Variants in FAM13C observed in about 807,000 individuals in gnomAD.
FAM13C encodes family with sequence similarity 13 member C, also known as protein FAM13C.
FAM13C carries 37 observed loss-of-function variants against 73.2 expected under a neutral mutation model. The observed-to-expected ratio is 0.51, with a 90% CI of 0.39 to 0.67. The LOEUF is 0.67. Among genes scored for constraint, FAM13C ranks in the 30% least tolerant of loss-of-function variants. The pLI is 0.00. For synonymous variants in FAM13C, 246 were observed against 260.9 expected (o/e 0.94, Z 0.55); for missense variants, 589 against 715.6 (o/e 0.82, Z 2.02).
At chr10:59,283,691 G>T (rs284618) in intron 5 of FAM13C, 1 of 595,636 alleles carries the variant, frequency 1.7e-6, no homozygotes, top group African/African-American at 1.8e-5. Flanking sequence ...CATGCAGGCT[G>T]AGTTTCTGCC....
At position 59,329,662 on chromosome 10, in the gene FAM13C, T is replaced by A. The variant is rs548358003; in HGVS notation, c.325-5556A>T. Among the ~76,000 whole-genome samples the A allele has an allele frequency of 2.0e-5, 3 of 152,212 alleles. No individual in the cohort carries two copies. The South Asian group carries it at 6.2e-4, about 32-fold the overall frequency. ...CGTAAGCAACTGCGCCTGGACTGAT[T>A]CTATTTTTTTAAGCTGTAATATGTA... On this transcript the variant is annotated intron_variant, in intron 3 of 13. Coordinates refer to ENST00000618804, the MANE Select transcript of FAM13C (RefSeq NM_198215.4).
At chr10:59,321,162 T>C (rs898178975) in intron 4 of FAM13C, among the ~76,000 whole-genome samples, 1 of 152,080 alleles carries the variant, frequency 6.6e-6, no homozygotes, top group Non-Finnish European at 1.5e-5. Context: ...ACTGTGAAAA[T>C]GTAATTAAGG....
At chr10:59,276,940 G>A (rs1319288719) in intron 6 of FAM13C, among the ~76,000 whole-genome samples, 1 of 152,158 alleles carries the variant, frequency 6.6e-6, no homozygotes, top group Non-Finnish European at 1.5e-5. Flanking sequence ...ACCAATACTT[G>A]CAAATGGGTC....
Position 59,347,462 on chromosome 10 carries a change from C to G in FAM13C, c.324+4808G>C, listed in dbSNP as rs188365122. Among the ~76,000 whole-genome samples the G allele has an allele frequency of 1.3e-4, 20 of 152,258 alleles. No individual in the cohort carries two copies. In the East Asian group the frequency reaches 3.1e-3, roughly 24 times the overall value. On this transcript the variant is annotated intron_variant, in intron 3 of 13. Coordinates refer to ENST00000618804, the MANE Select transcript of FAM13C (RefSeq NM_198215.4). ...CAGAATAAAGGTAAGAAAAGTGGAG[C>G]ATTAGGCCAAACTTTAGACAGTTAC...
At chr10:59,351,400 CA>C (rs915018449) in intron 3 of FAM13C, among the ~76,000 whole-genome samples, 17 of 150,034 alleles carry the variant, frequency 1.1e-4, no homozygotes, top group Admixed American at 2.7e-4. Flanking sequence ...CATTCTTATA[CA>C]AAAAAAGTTT....
chr10:59,265,939 G>A (rs189328490), intron 8 of FAM13C, among the ~76,000 whole-genome samples: 2 of 152,172 alleles, frequency 1.3e-5, no homozygotes, highest in Admixed American at 6.5e-5. Flanking sequence ...TCATACACAC[G>A]GAAATTACAT....
upstream of FAM13C, chr10:59,362,600 C>T: frequency 3.4e-6 from 5 of 1,489,608 alleles, no homozygotes; most frequent in Admixed American, 2.3e-5. Context: ...TGCACATGCT[C>T]GTAACGACAC....
intron 1 of FAM13C, among the ~76,000 whole-genome samples, chr10:59,361,277 A>C (rs1327264249): frequency 6.6e-6 from 1 of 152,114 alleles, no homozygotes; most frequent in African/African-American, 2.4e-5. Flanking sequence ...GCAGCACAGC[A>C]AAAGAGAGAA....
At chr10:59,302,558 G>A (rs1339785496) in intron 5 of FAM13C, among the ~76,000 whole-genome samples, 1 of 152,150 alleles carries the variant, frequency 6.6e-6, no homozygotes, top group Non-Finnish European at 1.5e-5. Context: ...GTAACAAAAT[G>A]ACTGCTGGAC....
At chr10:59,304,828 AGGGGGC>A (rs1848054828) in intron 4 of FAM13C, among the ~76,000 whole-genome samples, 1 of 2,610 alleles carries the variant, frequency 3.8e-4, no homozygotes, top group Non-Finnish European at 1.0e-3. Context: ...GGGGAAGGGG[AGGGGGC>A]GGGGGAGGGG....
rs113183301 is a variant in FAM13C at position 59,297,949 on chromosome 10, C to T, written c.507+4852G>A. On this transcript the variant is annotated intron_variant, in intron 5 of 13. Transcript: ENST00000618804. ...CCTAGAAGTATTTCTCCCATTGATG[C>T]CTTAAGTCTTAGCTACCTTGAAATC... Among the ~76,000 whole-genome samples, 905 of 152,002 alleles carry T rather than the reference C, an allele frequency of 6.0e-3. 11 individuals carry two copies. Among genetic ancestry groups the T allele is most frequent in the African/African-American group, 0.02 (849 of 41,462 alleles).
At chr10:59,284,929 T>C (rs1260158141) in intron 5 of FAM13C, among the ~76,000 whole-genome samples, 2 of 151,726 alleles carry the variant, frequency 1.3e-5, no homozygotes, top group Admixed American at 1.3e-4. Flanking sequence ...TCTCCTCACA[T>C]AGACATCTAT....
At chr10:59,353,711 A>T (rs1564627601) in intron 2 of FAM13C, among the ~76,000 whole-genome samples, 1 of 152,238 alleles carries the variant, frequency 6.6e-6, no homozygotes, top group East Asian at 1.9e-4. Context: ...ATATCAAGAT[A>T]GGTGGTCTGG....
At chr10:59,330,791 A>C (rs374436325) in intron 3 of FAM13C, among the ~76,000 whole-genome samples, 14 of 152,218 alleles carry the variant, frequency 9.2e-5, no homozygotes, top group African/African-American at 3.1e-4. Flanking sequence ...TCCAAACAGC[A>C]AAAAGCATGA....
At chr10:59,352,175 C>T (rs1855131176) in intron 3 of FAM13C, 95 bp downstream of exon 3, 13 of 1,421,448 alleles carry the variant, frequency 9.1e-6, no homozygotes, top group Admixed American at 3.6e-5. Flanking sequence ...AATCCCCTCC[C>T]GCAAAACAGT....
chr10:59,289,383 G>A (rs1845960512), intron 5 of FAM13C, among the ~76,000 whole-genome samples: 1 of 152,190 alleles, frequency 6.6e-6, no homozygotes, highest in Admixed American at 6.5e-5. Context: ...CAGTGGATGG[G>A]TGATCTGTCC....
chr10:59,282,081 G>A (rs1589441524), intron 6 of FAM13C: 2 of 152,164 alleles, frequency 1.3e-5, no homozygotes, highest in East Asian at 1.9e-4. Flanking sequence ...GGCCAACAGA[G>A]CAGGAGAGCT....
Position 59,362,383 on chromosome 10 carries a change from G to A in FAM13C, c.62+16C>T. On this transcript the variant is annotated intron_variant, in intron 1 of 13. Coordinates refer to ENST00000618804, the MANE Select transcript of FAM13C (RefSeq NM_198215.4). The stretch of plus-strand genomic sequence containing the variant: ...AAAGGCATGCAAGTCTAATTTTAAT[G>A]GTAAGAATCACTTACTCTGTTACAG... 3 of 1,613,184 alleles carry A rather than the reference G, an allele frequency of 1.9e-6. No individual in the cohort carries two copies. Among genetic ancestry groups the A allele is most frequent in the South Asian group, 1.1e-5 (1 of 90,748 alleles).
At chr10:59,329,200 T>C (rs1450918230) in intron 3 of FAM13C, among the ~76,000 whole-genome samples, 4 of 152,218 alleles carry the variant, frequency 2.6e-5, no homozygotes, top group Non-Finnish European at 5.9e-5. Context: ...TTTTAAAACA[T>C]TTCTGGCCAT....
Sources: allele counts gnomAD v4.1 joint callset (sites outside exome capture counted in the v4.1 genomes callset), GRCh38; gene constraint gnomAD v4.1.1; transcripts MANE v1.5; gene names NCBI Gene and HGNC (gene_info 2026-07-23, HGNC 2026-07-21).